QRSL1: variants seen among roughly 807,000 people sequenced by gnomAD.
QRSL1 encodes glutamyl-tRNA(Gln) amidotransferase subunit A, mitochondrial.
A neutral mutation model predicts 61.6 loss-of-function variants in QRSL1; 54 were observed. The observed-to-expected ratio is 0.88, with a 90% CI of 0.70 to 1.10. The LOEUF is 1.10. Ranked by LOEUF, QRSL1 falls within the 50% of genes least tolerant of loss-of-function variation. The pLI, the probability that QRSL1 is intolerant of heterozygous loss-of-function variation, is 0.00. For missense variants in QRSL1, 505 were observed against 622.6 expected, an observed-to-expected ratio of 0.81 and a Z score of 2.01; for synonymous variants, 228 against 225.7, an observed-to-expected ratio of 1.01 and a Z score of -0.09.
At chr6:106,637,168 T>G (rs971768475) in intron 1 of QRSL1, among the ~76,000 whole-genome samples, 7 of 152,240 alleles carry the variant, frequency 4.6e-5, no homozygotes, top group African/African-American at 1.7e-4. Flanking sequence ...TCCGATTTTC[T>G]GCTGGCTGTG....
At chr6:106,633,707 T>G (rs928837328) in intron 1 of QRSL1, among the ~76,000 whole-genome samples, 1 of 152,200 alleles carries the variant, frequency 6.6e-6, no homozygotes, top group Non-Finnish European at 1.5e-5. Context: ...CTAATATTAT[T>G]AATCCTAAAG....
intron 10 of QRSL1, among the ~76,000 whole-genome samples, chr6:106,663,602 C>T (rs1387507699): frequency 2.0e-5 from 3 of 152,162 alleles, no homozygotes; most frequent in South Asian, 2.1e-4. Flanking sequence ...CTCACTATCA[C>T]GAGAACAGCA....
At chr6:106,655,954 ATC>A (rs1777263770) in intron 9 of QRSL1, among the ~76,000 whole-genome samples, 1 of 152,210 alleles carries the variant, frequency 6.6e-6, no homozygotes. Context: ...AGTCCTCCAT[ATC>A]TGTGGGTTTT....
At chr6:106,648,637 A>C (rs948687540) in intron 4 of QRSL1, among the ~76,000 whole-genome samples, 1 of 152,230 alleles carries the variant, frequency 6.6e-6, no homozygotes, top group Admixed American at 6.5e-5. Context: ...TCAAAAATTT[A>C]AGTTATTAGC....
chr6:106,663,345 C>G (rs1777387375), intron 10 of QRSL1, among the ~76,000 whole-genome samples, 160 bp downstream of exon 10: 1 of 152,186 alleles, frequency 6.6e-6, no homozygotes, highest in Non-Finnish European at 1.5e-5. Flanking sequence ...AGTCTGTTCT[C>G]ACACTGCTAT....
intron 4 of QRSL1, among the ~76,000 whole-genome samples, chr6:106,646,276 G>A (rs919373108): frequency 3.3e-5 from 5 of 152,206 alleles, no homozygotes; most frequent in Non-Finnish European, 7.3e-5. Flanking sequence ...CAGTGAGGGT[G>A]AAGTGGACGT....
chr6:106,662,238 C>T (rs1021655539), intron 9 of QRSL1, among the ~76,000 whole-genome samples: 7 of 152,116 alleles, frequency 4.6e-5, no homozygotes, highest in Non-Finnish European at 1.0e-4. Context: ...ATCTTAGTAA[C>T]CTTTAGAAAG....
intron 9 of QRSL1, among the ~76,000 whole-genome samples, chr6:106,661,550 G>A (rs770894718): frequency 2.0e-5 from 3 of 152,056 alleles, no homozygotes; most frequent in Non-Finnish European, 4.4e-5. Flanking sequence ...AAGGACCTAT[G>A]ATATTTCTGT....
rs1223081782 is a variant in QRSL1 at position 106,667,235 on chromosome 6, G to T, written c.*1233G>T. The T allele has an allele frequency of 3.3e-5, 5 of 152,230 alleles. No homozygotes were observed. Among genetic ancestry groups the T allele is most frequent in the Non-Finnish European group, 7.3e-5 (5 of 68,042 alleles). 9.4% of individuals were successfully genotyped at this position (152,230 alleles called of 1,614,324 possible). ...GCAGAAGAGGGGATGCGCATGGCAA[G>T]AACTTGCCTTACCCCAGATTCTCTA... On this transcript the variant is annotated 3_prime_UTR_variant, in exon 11 of 11. Transcript: ENST00000369046.
chr6:106,662,124 G>A (rs942197143), intron 9 of QRSL1, among the ~76,000 whole-genome samples: 15 of 151,952 alleles, frequency 9.9e-5, no homozygotes, highest in African/African-American at 3.6e-4. Flanking sequence ...TTTTTCTTTA[G>A]TCTTTTTAGT....
At chr6:106,652,629 TAG>T in intron 7 of QRSL1, 47 bp downstream of exon 7, 1 of 1,612,148 alleles carries the variant, frequency 6.2e-7, no homozygotes, top group Non-Finnish European at 8.5e-7. Context: ...TCAAGTCCAA[TAG>T]AGAGCACAGA....
intron 9 of QRSL1, among the ~76,000 whole-genome samples, chr6:106,658,717 A>G (rs1008492318): frequency 1.3e-5 from 2 of 151,844 alleles, no homozygotes; most frequent in Admixed American, 6.6e-5. Context: ...TTTTCTTTTT[A>G]TCATTGGTTT....
intron 7 of QRSL1, among the ~76,000 whole-genome samples, chr6:106,654,492 C>CT (rs1777237134): frequency 6.6e-6 from 1 of 152,146 alleles, no homozygotes; most frequent in Non-Finnish European, 1.5e-5. Context: ...GATCTCCAAT[C>CT]TTTAATGTTG....
chr6:106,648,104 T>C (rs1264442214), intron 4 of QRSL1, among the ~76,000 whole-genome samples: 3 of 151,470 alleles, frequency 2.0e-5, no homozygotes, highest in African/African-American at 7.3e-5. Flanking sequence ...GAGACCATCC[T>C]GGCCAACGTG....
At chr6:106,658,104 C>G (rs1490382902) in intron 9 of QRSL1, among the ~76,000 whole-genome samples, 1 of 151,986 alleles carries the variant, frequency 6.6e-6, no homozygotes, top group African/African-American at 2.4e-5. Context: ...GTTCTTTTTT[C>G]TTTTAACCTT....
At position 106,652,810 on chromosome 6, in the gene QRSL1, G is replaced by A. The variant is rs780212143; in HGVS notation, c.849+228G>A. On this transcript the variant is annotated intron_variant, in intron 7 of 10. Coordinates refer to ENST00000369046, the MANE Select transcript of QRSL1 (RefSeq NM_018292.5). ...TTGTGAGGATCAATTAGACAGTCATGTTAAGTCTGTAAATTGTTTCTGTAA... is the reference window on the plus strand; with the variant it reads ...TTGTGAGGATCAATTAGACAGTCATATTAAGTCTGTAAATTGTTTCTGTAA... 7.7e-6 allele frequency: 11 copies of A among 1,422,382 alleles called. No homozygotes were observed. In the South Asian group the frequency reaches 1.4e-4, roughly 18 times the overall value. 88.1% of individuals were successfully genotyped at this position (1,422,382 alleles called of 1,614,324 possible).
intron 5 of QRSL1, among the ~76,000 whole-genome samples, chr6:106,649,445 G>T (rs1452080242): frequency 6.6e-6 from 1 of 152,126 alleles, no homozygotes. Context: ...CTTAAAATAT[G>T]ATTTTGTGGA....
At chr6:106,640,744 G>C in intron 2 of QRSL1, 79 bp from the exon 3 acceptor site, 1 of 1,264,426 alleles carries the variant, frequency 7.9e-7, no homozygotes, top group Non-Finnish European at 1.1e-6. Context: ...AAAACTAGTA[G>C]TTACTGTAAT....
At chr6:106,639,045 C>T (rs1380239768) in intron 1 of QRSL1, among the ~76,000 whole-genome samples, 1 of 149,600 alleles carries the variant, frequency 6.7e-6, no homozygotes, top group African/African-American at 2.5e-5. Context: ...CTCAAGGTTT[C>T]TGAGCTTCAG....
Sources: gnomAD v4.1 joint callset for allele counts (sites outside exome capture counted in the v4.1 genomes callset) on GRCh38, gnomAD v4.1.1 for gene constraint, MANE v1.5 for transcripts, NCBI Gene and HGNC (gene_info 2026-07-23, HGNC 2026-07-21) for gene names.